The following CBFA2T2 variants were observed in gnomAD, a reference collection of about 807,000 sequenced individuals.
CBFA2T2 encodes the protein protein CBFA2T2.
Under a neutral mutation model 62.2 loss-of-function variants are expected in CBFA2T2, and 11 were observed. The observed-to-expected ratio is 0.18, with a 90% CI of 0.11 to 0.29. The LOEUF is 0.29. CBFA2T2 is among the 10% of genes least tolerant of loss of function. The pLI, the probability that CBFA2T2 is intolerant of heterozygous loss-of-function variation, is 1.00. For synonymous variants in CBFA2T2, 295 were observed against 287.5 expected (o/e 1.03, Z -0.27); for missense variants, 592 against 774.1 (o/e 0.76, Z 2.79).
intron 1 of CBFA2T2, among the ~76,000 whole-genome samples, chr20:33,496,063 C>T (rs529862567): frequency 8.7e-4 from 133 of 152,162 alleles, no homozygotes; most frequent in African/African-American, 2.7e-3. Flanking sequence ...GTGCTTTAAG[C>T]GTAAGGCTTT....
rs535753037 is a variant in CBFA2T2, at chr20:33,528,419, A to G, written c.34+38118A>G. On this transcript the variant is annotated intron_variant, in intron 1 of 10. Transcript: ENST00000342704. ...TGAATCAGTCGAAGAATTGCCTTCA[A>G]CATGACCTAGAGAAGAGCAGATCAT... Among the ~76,000 whole-genome samples the G allele has an allele frequency of 1.2e-4, 19 of 152,344 alleles. No homozygotes were observed. The South Asian group carries it at 2.1e-3, about 17-fold the overall frequency.
At chr20:33,643,341 C>A (rs1229082288) in intron 10 of CBFA2T2, among the ~76,000 whole-genome samples, 1 of 152,044 alleles carries the variant, frequency 6.6e-6, no homozygotes, top group Non-Finnish European at 1.5e-5. Flanking sequence ...TTTAGGAGGT[C>A]AAGGTGGGAG....
Position 33,649,899 on chromosome 20 carries a change from T to C in CBFA2T2, c.*5253T>C, listed in dbSNP as rs1330833716. On this transcript the variant is annotated 3_prime_UTR_variant, in exon 11 of 11. Transcript: ENST00000342704. ...CTGGTTTTTCTGTGCTTTGTCATTT[T>C]ACTCTGATAGGAATTTTTGTTACCT... is the stretch of plus-strand genomic sequence containing the variant. The C allele has an allele frequency of 6.5e-6, 1 of 152,704 alleles. No individual in the cohort carries two copies. The highest frequency in any genetic ancestry group is 1.5e-5 in the Non-Finnish European group (1 of 68,040). 9.5% of individuals were successfully genotyped at this position (152,704 alleles called of 1,614,324 possible).
At position 33,517,034 on chromosome 20, in the gene CBFA2T2, T is replaced by A. The variant is rs115774701; in HGVS notation, c.34+26733T>A. Among the ~76,000 whole-genome samples, 850 of 152,314 alleles carry A rather than the reference T, an allele frequency of 5.6e-3. 5 individuals carry two copies. The highest frequency in any genetic ancestry group is 0.019 in the African/African-American group (792 of 41,564). On this transcript the variant is annotated intron_variant, in intron 1 of 10. Transcript: ENST00000342704. ...GAGAACTTTCTAAATGCTCTGTAAA[T>A]AAAAGCAGATATGTGATGGACTGCT...
chr20:33,542,087 T>C (rs972634206), intron 1 of CBFA2T2, among the ~76,000 whole-genome samples: 1 of 152,192 alleles, frequency 6.6e-6, no homozygotes, highest in African/African-American at 2.4e-5. Flanking sequence ...CTGAAGAACT[T>C]ATTAAAGTTT....
intron 7 of CBFA2T2, among the ~76,000 whole-genome samples, chr20:33,629,075 C>G (rs577056033): frequency 1.9e-4 from 29 of 152,294 alleles, no homozygotes; most frequent in Admixed American, 1.2e-3. Context: ...GACTTCAAGT[C>G]TAGTCTGGGC....
chr20:33,591,901 A>G (rs2014663361), intron 1 of CBFA2T2, among the ~76,000 whole-genome samples: 1 of 151,946 alleles, frequency 6.6e-6, no homozygotes, highest in Admixed American at 6.6e-5. Flanking sequence ...TTCTGTGTTC[A>G]TGCTGTCTCC....
In CBFA2T2 at chr20:33,568,375, C is replaced by T. The variant is rs549416548; in HGVS notation, c.35-38581C>T. 3.3e-5 allele frequency among the ~76,000 whole-genome samples: 5 copies of T among 152,290 alleles called. No homozygotes were observed. In the South Asian group the frequency reaches 1.0e-3, roughly 32 times the overall value. On this transcript the variant is annotated intron_variant, in intron 1 of 10. Coordinates refer to ENST00000342704, the MANE Select transcript of CBFA2T2 (RefSeq NM_001032999.3). ...AGGGAACCCAGTTCCCTAACTAATT[C>T]TAAGTCATGGGAGAAGGGTGCGTGT... is the stretch of plus-strand genomic sequence containing the variant.
At chr20:33,565,487 T>C (rs1382308322) in intron 1 of CBFA2T2, among the ~76,000 whole-genome samples, 1 of 152,208 alleles carries the variant, frequency 6.6e-6, no homozygotes, top group African/African-American at 2.4e-5. Context: ...GGATTTCATA[T>C]GACTATGTCC....
intron 1 of CBFA2T2, among the ~76,000 whole-genome samples, chr20:33,509,236 A>G (rs6059358): frequency 0.92 from 139,340 of 151,982 alleles, 64,744 homozygotes; most frequent in Non-Finnish European, 1. Context: ...GTGTGGTGGC[A>G]CACACCTGTA....
At chr20:33,584,041 A>G (rs1457689238) in intron 1 of CBFA2T2, among the ~76,000 whole-genome samples, 1 of 152,008 alleles carries the variant, frequency 6.6e-6, no homozygotes, top group Non-Finnish European at 1.5e-5. Flanking sequence ...TCTGCCTCCC[A>G]GGTTCAAGTG....
At chr20:33,622,392 T>A (rs1368610532) in intron 4 of CBFA2T2, among the ~76,000 whole-genome samples, 1 of 152,238 alleles carries the variant, frequency 6.6e-6, no homozygotes, top group Non-Finnish European at 1.5e-5. Flanking sequence ...CCTGCATTGC[T>A]TTTAAATTTG....
At chr20:33,560,849 C>T (rs575481121) in intron 1 of CBFA2T2, among the ~76,000 whole-genome samples, 67 of 152,220 alleles carry the variant, frequency 4.4e-4, no homozygotes, top group Non-Finnish European at 1.8e-4. Context: ...CCAAGACCCC[C>T]GCCTTCCCCT....
intron 1 of CBFA2T2, among the ~76,000 whole-genome samples, chr20:33,571,577 C>T (rs1276969062): frequency 6.6e-6 from 1 of 152,164 alleles, no homozygotes; most frequent in Admixed American, 6.5e-5. Context: ...GTTACACTCC[C>T]AGCCAAAATA....
chr20:33,583,217 TCTAA>T (rs2014199181), intron 1 of CBFA2T2, among the ~76,000 whole-genome samples: 3 of 152,338 alleles, frequency 2.0e-5, no homozygotes, highest in African/African-American at 7.2e-5. Flanking sequence ...TGTGTTACCA[TCTAA>T]CTATCCTTTG....
At chr20:33,561,674 C>A (rs370807788) in intron 1 of CBFA2T2, among the ~76,000 whole-genome samples, 2 of 152,028 alleles carry the variant, frequency 1.3e-5, no homozygotes, top group Non-Finnish European at 2.9e-5. Context: ...TTTATTTTGG[C>A]GACTCATTGT....
chr20:33,558,694 A>G (rs1041408888), intron 1 of CBFA2T2, among the ~76,000 whole-genome samples: 1 of 152,186 alleles, frequency 6.6e-6, no homozygotes, highest in South Asian at 2.1e-4. Flanking sequence ...GTTTTATAAT[A>G]GTGGCAATTG....
intron 1 of CBFA2T2, among the ~76,000 whole-genome samples, chr20:33,508,671 A>G (rs1048978686): frequency 6.6e-6 from 1 of 152,166 alleles, no homozygotes; most frequent in Non-Finnish European, 1.5e-5. Context: ...AAGTGAAAAC[A>G]TGCGGTATTT....
At chr20:33,575,493 C>T (rs911376810) in intron 1 of CBFA2T2, among the ~76,000 whole-genome samples, 1 of 152,104 alleles carries the variant, frequency 6.6e-6, no homozygotes, top group Admixed American at 6.5e-5. Context: ...GGCGTTGGTC[C>T]CTGGCACACA....
Sources: allele counts gnomAD v4.1 joint callset (sites outside exome capture counted in the v4.1 genomes callset), GRCh38; gene constraint gnomAD v4.1.1; transcripts MANE v1.5; gene names NCBI Gene and HGNC (gene_info 2026-07-23, HGNC 2026-07-21).